DCAF10: variants seen among roughly 807,000 people sequenced by gnomAD.
DCAF10 encodes DDB1 and CUL4 associated factor 10, also known as DDB1- and CUL4-associated factor 10.
Under a neutral mutation model 51.9 loss-of-function variants are expected in DCAF10, and 19 were observed. That is an observed-to-expected ratio of 0.37 (90% confidence interval 0.26 to 0.54). The LOEUF is 0.54. Ranked by LOEUF, DCAF10 falls within the 20% of genes least tolerant of loss-of-function variation. The pLI, the probability that DCAF10 is intolerant of heterozygous loss-of-function variation, is 0.87. For synonymous variants in DCAF10, 291 were observed against 297.1 expected, an observed-to-expected ratio of 0.98 and a Z score of 0.21; for missense variants, 510 against 730.6, an observed-to-expected ratio of 0.70 and a Z score of 3.48.
intron 3 of DCAF10, among the ~76,000 whole-genome samples, chr9:37,852,915 G>T (rs1830707469): frequency 7.8e-6 from 1 of 128,274 alleles, no homozygotes; most frequent in African/African-American, 2.8e-5. Context: ...CATCATAAAT[G>T]TTAAGTATGT....
chr9:37,842,896 C>T (rs1005328841), intron 3 of DCAF10, among the ~76,000 whole-genome samples: 4 of 152,166 alleles, frequency 2.6e-5, no homozygotes, highest in African/African-American at 9.7e-5. Flanking sequence ...AAAATGTCTC[C>T]TTATAAAGAA....
chr9:37,822,777 T>C (rs1410604296), intron 2 of DCAF10, among the ~76,000 whole-genome samples: 1 of 151,970 alleles, frequency 6.6e-6, no homozygotes. Context: ...CCACCTGTAT[T>C]CCAATAACTT....
At chr9:37,841,993 C>A in intron 2 of DCAF10, 96 bp from the exon 3 acceptor site, 1 of 1,177,876 alleles carries the variant, frequency 8.5e-7, no homozygotes, top group Non-Finnish European at 1.2e-6. Flanking sequence ...TTTTTTCTTT[C>A]TTTCTTGACT....
chr9:37,854,731 G>A (rs765118656), intron 3 of DCAF10, 49 bp from the exon 4 acceptor site: 12 of 1,542,780 alleles, frequency 7.8e-6, no homozygotes, highest in Admixed American at 3.7e-5. Context: ...TTACTGAACC[G>A]TTATATTTAT....
At chr9:37,822,650 G>C (rs1193832084) in intron 2 of DCAF10, among the ~76,000 whole-genome samples, 1 of 152,022 alleles carries the variant, frequency 6.6e-6, no homozygotes, top group Non-Finnish European at 1.5e-5. Context: ...GGGGAAGAGT[G>C]GGAGGTTGGG....
chr9:37,807,093 C>G (rs1829137444), intron 1 of DCAF10, among the ~76,000 whole-genome samples: 1 of 152,088 alleles, frequency 6.6e-6, no homozygotes, highest in Non-Finnish European at 1.5e-5. Context: ...ATTTGAAGGG[C>G]TAAAAACATT....
At chr9:37,818,149 C>T (rs1053013821) in intron 1 of DCAF10, among the ~76,000 whole-genome samples, 1 of 152,112 alleles carries the variant, frequency 6.6e-6, no homozygotes, top group South Asian at 2.1e-4. Context: ...CCCACCACCA[C>T]ACCTGGCTAA....
chr9:37,848,972 C>CAA (rs11421562), intron 3 of DCAF10, among the ~76,000 whole-genome samples: 20 of 84,686 alleles, frequency 2.4e-4, no homozygotes, highest in South Asian at 5.6e-4. Flanking sequence ...GACTCTGTCT[C>CAA]AAAAAAAAAA....
intron 3 of DCAF10, 140 bp from the exon 4 acceptor site, chr9:37,854,640 C>T (rs1830792971): frequency 2.9e-6 from 2 of 690,646 alleles, no homozygotes; most frequent in Non-Finnish European, 4.9e-6. Flanking sequence ...ACTTATTCCT[C>T]CTAATTGTAA....
At chr9:37,856,080 G>C in intron 4 of DCAF10, among the ~76,000 whole-genome samples, 1 of 152,072 alleles carries the variant, frequency 6.6e-6, no homozygotes, top group Non-Finnish European at 1.5e-5. Context: ...GAGCCTGGCA[G>C]GTTGAGGCAG....
At chr9:37,807,907 C>T (rs745913177) in intron 1 of DCAF10, among the ~76,000 whole-genome samples, 2 of 152,052 alleles carry the variant, frequency 1.3e-5, no homozygotes, top group African/African-American at 2.4e-5. Context: ...GGTGATCCAC[C>T]CACCTCAGCC....
Position 37,801,440 on chromosome 9 carries a change from T to C in DCAF10, c.539+35T>C, listed in dbSNP as rs2119002530. 7.2e-7 allele frequency: 1 copy of C among 1,398,306 alleles called. No homozygotes were observed. Among genetic ancestry groups the C allele is most frequent in the African/African-American group, 1.5e-5 (1 of 66,380 alleles). The allele number at this position is 1,398,306 out of a possible 1,614,324, so 86.6% of individuals were successfully genotyped here. A position where few individuals can be genotyped will look rare whatever the true frequency, so the allele number is the denominator to read the frequency against. On this transcript the variant is annotated intron_variant, in intron 1 of 6. Transcript: ENST00000377724. This position sits in a 1 kb window ranked among gnomAD's most constrained non-coding sequence, Gnocchi z 5.5. ...GCCCCTCGGAGGGCGGGCGCCCGCC[T>C]CCGCCCGGCTCTGCTGCCAGCGGAC...
At chr9:37,853,601 A>G (rs577131328) in intron 3 of DCAF10, among the ~76,000 whole-genome samples, 1 of 152,086 alleles carries the variant, frequency 6.6e-6, no homozygotes, top group Admixed American at 6.6e-5. Context: ...TTCTTCTGGT[A>G]CTCATTTTCA....
intron 1 of DCAF10, among the ~76,000 whole-genome samples, chr9:37,816,339 A>T (rs982293052): frequency 6.6e-6 from 1 of 152,250 alleles, no homozygotes; most frequent in Non-Finnish European, 1.5e-5. Context: ...CTGTAATCCC[A>T]GCACTTTGGG....
intron 3 of DCAF10, among the ~76,000 whole-genome samples, chr9:37,853,428 A>G (rs958873755): frequency 2.0e-5 from 3 of 151,978 alleles, no homozygotes; most frequent in African/African-American, 7.2e-5. Context: ...AAAAAAAAAA[A>G]AAAATTCTGA....
chr9:37,856,454 T>G (rs1024821430), intron 4 of DCAF10, among the ~76,000 whole-genome samples: 3 of 146,502 alleles, frequency 2.0e-5, no homozygotes, highest in Non-Finnish European at 4.5e-5. Context: ...ACCAACAAGG[T>G]TTTCAGTTTT....
At chr9:37,818,577 C>G (rs1829614985) in intron 1 of DCAF10, among the ~76,000 whole-genome samples, 1 of 152,002 alleles carries the variant, frequency 6.6e-6, no homozygotes, top group South Asian at 2.1e-4. Context: ...GTGGGGAAGG[C>G]CTGAAACAAG....
In DCAF10 at chr9:37,819,271, G is replaced by C; in HGVS notation, c.540-17G>C. ...TGCTAGAAAACTAAACAAGATAAATGTGTCATTTGCTTTCAGGTCAGTGCT... is the reference window on the plus strand; with the variant it reads ...TGCTAGAAAACTAAACAAGATAAATCTGTCATTTGCTTTCAGGTCAGTGCT... On this transcript the variant is annotated splice_polypyrimidine_tract_variant and intron_variant, in intron 1 of 6. Transcript: ENST00000377724. 2 of 1,588,644 alleles carry C rather than the reference G, an allele frequency of 1.3e-6. No individual in the cohort carries two copies. Among genetic ancestry groups the C allele is most frequent in the Non-Finnish European group, 1.7e-6 (2 of 1,159,130 alleles).
At position 37,800,902 on chromosome 9, in the gene DCAF10, C is replaced by T; in HGVS notation, c.36C>T (p.Asp12=). The change falls in exon 1 of 7, where the codon GAC becomes GAT. Residue 12 remains aspartate, a synonymous_variant. Transcript: ENST00000377724. ...TTGGGCCCCATAGCCCTGGAGGGGA[C>T]GGATCGGCCGGAGCCGGGGCTGAGG... The part of the protein sequence containing the change: ...FPFGPHSPGG[D]GSAGAGAEEP... The T allele has an allele frequency of 1.3e-6, 2 of 1,495,874 alleles. No homozygotes were observed. The highest frequency in any genetic ancestry group is 1.3e-5 in the South Asian group (1 of 77,660). The allele number at this position is 1,495,874 out of a possible 1,614,324, so 92.7% of individuals were successfully genotyped here.
Sources: allele counts gnomAD v4.1 joint callset (sites outside exome capture counted in the v4.1 genomes callset), GRCh38; gene constraint gnomAD v4.1.1; non-coding constraint Gnocchi (gnomAD v3.1); transcripts MANE v1.5; gene names NCBI Gene and HGNC (gene_info 2026-07-23, HGNC 2026-07-21).